FCGRT: variants seen among roughly 807,000 people sequenced by gnomAD.
FCGRT encodes the protein Fc gamma receptor and transporter, also known as IgG receptor FcRn large subunit p51.
A neutral mutation model predicts 35.7 loss-of-function variants in FCGRT; 13 were observed. The ratio of observed to expected loss-of-function variants is 0.36; its 90% CI spans 0.24 to 0.58. FCGRT has a LOEUF of 0.58. Among genes scored for constraint, FCGRT ranks in the 20% least tolerant of loss-of-function variants. The probability of loss-of-function intolerance (pLI) is 0.77; values close to 1 mark genes in which losing one functional copy is unlikely to be tolerated. For synonymous variants in FCGRT, 233 were observed against 216.5 expected (o/e 1.08, Z -0.67); for missense variants, 455 against 474.9 (o/e 0.96, Z 0.39).
intron 4 of FCGRT, among the ~76,000 whole-genome samples, chr19:49,522,455 A>G (rs1199742597): frequency 7.0e-6 from 1 of 143,264 alleles, no homozygotes; most frequent in African/African-American, 2.6e-5. Context: ...TTTTTTTGAG[A>G]CAGTCTTGCT....
intron 4 of FCGRT, among the ~76,000 whole-genome samples, chr19:49,516,449 T>A (rs1228559388): frequency 6.6e-6 from 1 of 150,406 alleles, no homozygotes; most frequent in Non-Finnish European, 1.5e-5. Context: ...GACAGGGTTT[T>A]ACCATGTTGG....
chr19:49,513,714 G>GTCTCTCCCTC (rs2079987707), intron 2 of FCGRT, 168 bp from the exon 3 acceptor site: 1 of 524,358 alleles, frequency 1.9e-6, no homozygotes, highest in Non-Finnish European at 3.2e-6. Flanking sequence ...TGGGTCTCTT[G>GTCTCTCCCTC]TCTCTCTCTC....
chr19:49,524,357 T>G, intron 4 of FCGRT, 150 bp from the exon 5 acceptor site: 2 of 865,300 alleles, frequency 2.3e-6, no homozygotes, highest in Non-Finnish European at 3.6e-6. Flanking sequence ...AGGTTGAGTC[T>G]CTGTCACCTA....
intron 4 of FCGRT, among the ~76,000 whole-genome samples, chr19:49,524,160 A>G (rs142552602): frequency 2.0e-3 from 308 of 151,958 alleles, no homozygotes; most frequent in African/African-American, 6.7e-3. Flanking sequence ...CTGGGACTAC[A>G]GGTGCCCGGC....
intron 4 of FCGRT, among the ~76,000 whole-genome samples, chr19:49,522,531 A>C (rs1273773414): frequency 1.3e-5 from 2 of 151,740 alleles, no homozygotes; most frequent in Non-Finnish European, 2.9e-5. Context: ...TTCTGGGTTC[A>C]AGCGATTCTC....
intron 4 of FCGRT, among the ~76,000 whole-genome samples, chr19:49,522,506 A>G (rs2080047187): frequency 6.6e-6 from 1 of 151,858 alleles, no homozygotes; most frequent in African/African-American, 2.4e-5. Context: ...ATCTTGGCTC[A>G]ATGCAACCTC....
chr19:49,520,203 C>T (rs976173560), intron 4 of FCGRT, among the ~76,000 whole-genome samples: 3 of 148,534 alleles, frequency 2.0e-5, no homozygotes, highest in African/African-American at 5.0e-5. Flanking sequence ...GATCTCGGCT[C>T]ACTGCAACCT....
chr19:49,522,055 T>A lies in FCGRT; in HGVS notation c.602-2452T>A, dbSNP rs1479117557. Among the ~76,000 whole-genome samples the A allele has an allele frequency of 2.0e-5, 3 of 152,030 alleles. No homozygotes were observed. In the South Asian group the frequency reaches 6.2e-4, roughly 32 times the overall value. On this transcript the variant is annotated intron_variant, in intron 4 of 6. Coordinates refer to ENST00000221466, the MANE Select transcript of FCGRT (RefSeq NM_001136019.3). ...CAGTTTATCGACTTCAATTTATACA[T>A]TTTATAAAGTTTATGAATTTTTTTT...
chr19:49,518,987 C>T (rs372991354), intron 4 of FCGRT, among the ~76,000 whole-genome samples: 22 of 152,142 alleles, frequency 1.4e-4, no homozygotes, highest in African/African-American at 4.8e-4. Flanking sequence ...GGACTACAGG[C>T]GCCCACCACC....
At chr19:49,525,664 G>C (rs1362679343) in intron 6 of FCGRT, 91 bp downstream of exon 6, 27 of 874,032 alleles carry the variant, frequency 3.1e-5, no homozygotes, top group Admixed American at 1.6e-4. Flanking sequence ...GACCCAGAGA[G>C]GGGGGACAGA....
chr19:49,518,906 G>A (rs111594247), intron 4 of FCGRT, among the ~76,000 whole-genome samples: 44 of 150,414 alleles, frequency 2.9e-4, no homozygotes, highest in African/African-American at 9.8e-4. Flanking sequence ...GCAGTGGCGC[G>A]ATCTCAGCTC....
At chr19:49,523,859 C>CAAA (rs575904413) in intron 4 of FCGRT, among the ~76,000 whole-genome samples, 3 of 108,748 alleles carry the variant, frequency 2.8e-5, no homozygotes, top group Admixed American at 9.5e-5. Context: ...GATTCCATCT[C>CAAA]AAAAAAAAAA....
intron 4 of FCGRT, among the ~76,000 whole-genome samples, chr19:49,522,864 G>A (rs1376413968): frequency 1.5e-5 from 2 of 132,712 alleles, no homozygotes; most frequent in African/African-American, 2.9e-5. Flanking sequence ...TGCAAGCTCC[G>A]CCTCCCGGGT....
chr19:49,524,394 A>G (rs2080060075), intron 4 of FCGRT, 113 bp from the exon 5 acceptor site: 4 of 1,174,310 alleles, frequency 3.4e-6, no homozygotes, highest in Non-Finnish European at 4.8e-6. Context: ...TTACCACTGT[A>G]TTATCTGCGG....
intron 1 of FCGRT, chr19:49,513,171 G>T (rs2079983435): frequency 5.7e-6 from 2 of 351,762 alleles, no homozygotes; most frequent in African/African-American, 4.2e-5. Context: ...CTCGGGGCCG[G>T]GACTCTCAGC....
At chr19:49,522,170 C>T (rs1303563350) in intron 4 of FCGRT, among the ~76,000 whole-genome samples, 1 of 149,710 alleles carries the variant, frequency 6.7e-6, no homozygotes, top group Admixed American at 6.7e-5. Flanking sequence ...CAGCCTCAAA[C>T]TCCTGGGCTC....
chr19:49,524,895 C>T, intron 5 of FCGRT, 119 bp downstream of exon 5: 1 of 1,044,738 alleles, frequency 9.6e-7, no homozygotes. Flanking sequence ...AATCTGACTG[C>T]CTTGAACCTC....
intron 5 of FCGRT, 77 bp from the exon 6 acceptor site, chr19:49,525,380 G>C: frequency 9.3e-7 from 1 of 1,074,292 alleles, no homozygotes; most frequent in Admixed American, 1.7e-5. Flanking sequence ...GGAGGGACTG[G>C]GAGCGCCCCA....
At chr19:49,516,244 ATTTC>A (rs759789922) in intron 4 of FCGRT, 18 of 425,302 alleles carry the variant, frequency 4.2e-5, no homozygotes, top group South Asian at 2.9e-4. Flanking sequence ...AGTAGGGAAA[ATTTC>A]TTTCTTTTTT....
Sources: gnomAD v4.1 joint callset for allele counts (sites outside exome capture counted in the v4.1 genomes callset) on GRCh38, gnomAD v4.1.1 for gene constraint, MANE v1.5 for transcripts, NCBI Gene and HGNC (gene_info 2026-07-23, HGNC 2026-07-21) for gene names.